FAT4: variants seen among roughly 807,000 people sequenced by gnomAD.
The protein encoded by FAT4 is protocadherin Fat 4.
In FAT4, 84 loss-of-function variants were observed where a neutral mutation model predicts 303.9. The ratio of observed to expected loss-of-function variants is 0.28; its 90% CI spans 0.23 to 0.33. FAT4 has a LOEUF of 0.33. Ranked by LOEUF, FAT4 falls within the 10% of genes least tolerant of loss-of-function variation. The probability of loss-of-function intolerance (pLI) is 1.00; values close to 1 mark genes in which losing one functional copy is unlikely to be tolerated. For synonymous variants in FAT4, 2,307 were observed against 2,298.8 expected (o/e 1.00, Z -0.10); for missense variants, 6,005 against 6,146.8 (o/e 0.98, Z 0.77).
intron 9 of FAT4, among the ~76,000 whole-genome samples, chr4:125,448,048 T>C (rs925742995): frequency 1.3e-5 from 2 of 152,060 alleles, no homozygotes; most frequent in African/African-American, 4.8e-5. Context: ...TAAGACACAC[T>C]AGAGCAACGG....
At chr4:125,386,611 C>A (rs1422547315) in intron 2 of FAT4, among the ~76,000 whole-genome samples, 1 of 152,086 alleles carries the variant, frequency 6.6e-6, no homozygotes, top group Non-Finnish European at 1.5e-5. Flanking sequence ...AATTAAAGAA[C>A]AATGCATTTC....
At chr4:125,433,413 T>A (rs1229938219) in intron 7 of FAT4, among the ~76,000 whole-genome samples, 1 of 152,206 alleles carries the variant, frequency 6.6e-6, no homozygotes, top group East Asian at 1.9e-4. Flanking sequence ...AGTTTGAGTT[T>A]GAAAAACGGT....
In FAT4 at chr4:125,415,192, C is replaced by A. The variant is rs1198005907; in HGVS notation, c.6229C>A (p.Pro2077Thr). ...TVVFKAQATD[P>T]DSGPNSYIEY... is the part of the protein sequence containing the mutation. ...TGTTTTCAAAGCTCAAGCAACTGAC[C>A]CAGATAGTGGCCCAAACAGCTATAT... is the stretch of plus-strand genomic sequence containing the variant. Residue 2077 changes from proline (P) to threonine (T), a missense_variant, in exon 6 of 18, where the codon CCA (proline) becomes ACA (threonine). Pro to Thr is a conservative substitution (Grantham distance 38). Coordinates refer to ENST00000394329, the MANE Select transcript of FAT4 (RefSeq NM_001291303.3). The A allele has an allele frequency of 5.0e-6, 8 of 1,614,038 alleles. No homozygotes were observed. In the East Asian group the frequency reaches 1.6e-4, roughly 31 times the overall value.
chr4:125,318,414 C>G lies in FAT4; in HGVS notation c.2003C>G (p.Pro668Arg). Residue 668 changes from proline to arginine, a missense_variant, in exon 2 of 18, where the codon CCC becomes CGC. Pro to Arg is a moderately radical substitution (Grantham distance 103, BLOSUM62 -2). Coordinates refer to ENST00000394329, the MANE Select transcript of FAT4 (RefSeq NM_001291303.3). ...LVLATDLGSP[P>R]QSSMARINVS... ...CTGGCCACAGATCTGGGCTCCCCTC[C>G]CCAGTCATCAATGGCTCGCATAAAT... 6.2e-7 allele frequency: 1 copy of G among 1,614,174 alleles called. No individual in the cohort carries two copies. Among genetic ancestry groups the G allele is most frequent in the Non-Finnish European group, 8.5e-7 (1 of 1,180,042 alleles).
intron 12 of FAT4, 109 bp downstream of exon 12, chr4:125,468,928 T>G (rs774773467): frequency 2.5e-4 from 302 of 1,193,966 alleles, no homozygotes; most frequent in Non-Finnish European, 3.3e-4. Context: ...AATGAACACT[T>G]TAGTTATGAA....
chr4:125,448,505 C>T lies in FAT4; in HGVS notation c.7495C>T (p.Pro2499Ser), dbSNP rs771147425. 6.2e-7 allele frequency: 1 copy of T among 1,612,626 alleles called. No homozygotes were observed. Among genetic ancestry groups the T allele is most frequent in the Non-Finnish European group, 8.5e-7 (1 of 1,179,168 alleles). ...AVTVTDADIG[P>S]NSELHYSLSG... ...TACAGTCACAGATGCTGATATTGGACCAAATTCTGAACTGCATTATTCTCT... is the reference window on the plus strand; with the variant it reads ...TACAGTCACAGATGCTGATATTGGATCAAATTCTGAACTGCATTATTCTCT... The change falls in exon 10 of 18, where the codon CCA (proline) becomes TCA (serine). Residue 2499 changes from proline to serine, a missense_variant. Coordinates refer to ENST00000394329, the MANE Select transcript of FAT4 (RefSeq NM_001291303.3).
At chr4:125,364,480 AG>A (rs1486263760) in intron 2 of FAT4, among the ~76,000 whole-genome samples, 1 of 152,040 alleles carries the variant, frequency 6.6e-6, no homozygotes, top group Admixed American at 6.6e-5. Context: ...GAGAAAGAAT[AG>A]GGGACTTTCA....
Position 125,315,307 on chromosome 4 carries a change from A to G in FAT4, c.-683A>G, listed in dbSNP as rs1730528665. On this transcript the variant is annotated 5_prime_UTR_variant, in exon 1 of 18. Coordinates refer to ENST00000394329, the MANE Select transcript of FAT4 (RefSeq NM_001291303.3). ...CCGCTGCCAACTGTGAAGGAGAGAG[A>G]GGCATCAACCACCCCCCGCCCCAAA... is the stretch of plus-strand genomic sequence containing the variant. 6.6e-6 allele frequency among the ~76,000 whole-genome samples: 1 copy of G among 152,028 alleles called. No homozygotes were observed. The highest frequency in any genetic ancestry group is 1.5e-5 in the Non-Finnish European group (1 of 68,014).
At chr4:125,430,315 G>C (rs1024166413) in intron 7 of FAT4, among the ~76,000 whole-genome samples, 5 of 152,114 alleles carry the variant, frequency 3.3e-5, no homozygotes, top group Admixed American at 3.3e-4. Context: ...GTGAAAATAA[G>C]ATTCACTTGA....
chr4:125,340,429 G>T (rs1402258880), intron 2 of FAT4, among the ~76,000 whole-genome samples: 1 of 151,746 alleles, frequency 6.6e-6, no homozygotes, highest in Non-Finnish European at 1.5e-5. Context: ...TGTCGCCCAG[G>T]CTGGAGTGCA....
intron 8 of FAT4, among the ~76,000 whole-genome samples, chr4:125,440,610 T>TAAGAGA (rs1553925991): frequency 1.3e-5 from 1 of 75,728 alleles, no homozygotes; most frequent in Non-Finnish European, 2.3e-5. Flanking sequence ...TGTGTGTGTG[T>TAAGAGA]GAGAGAGAGA....
chr4:125,344,854 G>T (rs1044586775), intron 2 of FAT4, among the ~76,000 whole-genome samples: 2 of 151,940 alleles, frequency 1.3e-5, no homozygotes, highest in Non-Finnish European at 2.9e-5. Flanking sequence ...TTTGTGCCTG[G>T]TGTATTTCTC....
intron 8 of FAT4, among the ~76,000 whole-genome samples, chr4:125,435,078 A>G (rs1725406962): frequency 6.6e-6 from 1 of 152,096 alleles, no homozygotes; most frequent in Non-Finnish European, 1.5e-5. Context: ...AAGAATTTTG[A>G]CCATTTTTAT....
At chr4:125,373,019 T>A (rs928741393) in intron 2 of FAT4, among the ~76,000 whole-genome samples, 6 of 152,184 alleles carry the variant, frequency 3.9e-5, no homozygotes, top group Non-Finnish European at 2.9e-5. Context: ...GCTTTGCCAT[T>A]TTTTAAATAA....
At position 125,393,031 on chromosome 4, in the gene FAT4, A is replaced by G. The variant is rs149197663; in HGVS notation, c.5176-5753A>G. ...ATGGAAATGGACTTGATGATATTTA[A>G]CATTCCTACAAAAAGTATTAGTATG... On this transcript the variant is annotated intron_variant, in intron 2 of 17. Transcript: ENST00000394329. Among the ~76,000 whole-genome samples, 131 of 152,336 alleles carry G rather than the reference A, an allele frequency of 8.6e-4. 1 individual carries two copies. The East Asian group carries it at 0.015, about 17-fold the overall frequency.
chr4:125,430,214 C>T (rs1355391529), intron 7 of FAT4, among the ~76,000 whole-genome samples: 12 of 150,656 alleles, frequency 8.0e-5, no homozygotes, highest in African/African-American at 2.9e-4. Context: ...AAAAACACAG[C>T]GTCTTCATTC....
Position 125,490,888 on chromosome 4 carries a change from A to C in FAT4, c.14072A>C (p.His4691Pro), listed in dbSNP as rs1300084622. The change falls in exon 18 of 18, where the codon CAC (histidine) becomes CCC (proline). Residue 4691 changes from histidine to proline, a missense_variant. By Grantham distance (77) the His-to-Pro change is moderately conservative. Coordinates refer to ENST00000394329, the MANE Select transcript of FAT4 (RefSeq NM_001291303.3). ...GQGLRTSSLS[H>P]SACPTPNPLS... ...GGTTTGAGAACCAGCTCCCTAAGCCACTCAGCATGCCCAACTCCCAACCCT... is the reference window on the plus strand; with the variant it reads ...GGTTTGAGAACCAGCTCCCTAAGCCCCTCAGCATGCCCAACTCCCAACCCT... 6.2e-7 allele frequency: 1 copy of C among 1,613,982 alleles called. No homozygotes were observed. Among genetic ancestry groups the C allele is most frequent in the Non-Finnish European group, 8.5e-7 (1 of 1,180,024 alleles).
rs1299999175 is a variant in FAT4, at chr4:125,450,172, C to T, written c.9162C>T (p.Asn3054=). Residue 3054 remains asparagine (N), a synonymous_variant, in exon 10 of 18, where the codon AAC becomes AAT. Transcript: ENST00000394329. ...SVASSLISDL[N]QNFFITVTAK... is the part of the protein sequence containing the mutation. Reference sequence around the variant, plus strand: ...CATCCTCCCTGATTTCTGACTTGAACCAAAACTTTTTTATCACAGTCACTG... The same window carrying T: ...CATCCTCCCTGATTTCTGACTTGAATCAAAACTTTTTTATCACAGTCACTG... 3 of 1,613,724 alleles carry T rather than the reference C, an allele frequency of 1.9e-6. No homozygotes were observed. The highest frequency in any genetic ancestry group is 2.5e-6 in the Non-Finnish European group (3 of 1,179,972).
Position 125,315,652 on chromosome 4 carries a change from G to GGGC in FAT4, c.-322_-320dup, listed in dbSNP as rs932202974. 2.0e-4 allele frequency among the ~76,000 whole-genome samples: 30 copies of GGGC among 152,146 alleles called. No homozygotes were observed. The highest frequency in any genetic ancestry group is 1.0e-3 in the South Asian group (5 of 4,832). On this transcript the variant is annotated 5_prime_UTR_variant, in exon 1 of 18. Transcript: ENST00000394329. Reference sequence around the variant, plus strand: ...GACCACGGGCTTGAAGCCGCAACAGGGGCGGCGGCGGCGGCGGCTGCAGGA... The same window carrying GGGC: ...GACCACGGGCTTGAAGCCGCAACAGGGGCGGCGGCGGCGGCGGCGGCTGCAGGA...
Sources: allele counts gnomAD v4.1 joint callset (sites outside exome capture counted in the v4.1 genomes callset), GRCh38; gene constraint gnomAD v4.1.1; transcripts MANE v1.5; gene names NCBI Gene and HGNC (gene_info 2026-07-23, HGNC 2026-07-21).